NALCN: variants seen among roughly 807,000 people sequenced by gnomAD.
NALCN encodes sodium leak channel NALCN.
NALCN carries 111 observed loss-of-function variants against 225.3 expected under a neutral mutation model. That is an observed-to-expected ratio of 0.49 (90% CI 0.42 to 0.58). NALCN has a LOEUF of 0.58. NALCN is among the 20% of genes least tolerant of loss of function. The probability of loss-of-function intolerance (pLI) is 0.00; values close to 1 mark genes in which losing one functional copy is unlikely to be tolerated. For missense variants in NALCN, 1,378 were observed against 2,202.4 expected (o/e 0.63, Z 7.49); for synonymous variants, 764 against 769.0 (o/e 0.99, Z 0.11).
chr13:101,128,244 C>A (rs575656601), intron 17 of NALCN, among the ~76,000 whole-genome samples: 1 of 152,198 alleles, frequency 6.6e-6, no homozygotes, highest in African/African-American at 2.4e-5. Context: ...GATAACAATT[C>A]TTTGACAGAA....
intron 10 of NALCN, 78 bp from the exon 11 acceptor site, chr13:101,258,652 G>A: frequency 1.3e-6 from 2 of 1,584,498 alleles, no homozygotes; most frequent in Non-Finnish European, 1.7e-6. Context: ...GTCCTTGGCT[G>A]ACAGCACCTT....
At chr13:101,284,110 C>A in intron 9 of NALCN, 91 bp from the exon 10 acceptor site, 2 of 1,076,452 alleles carry the variant, frequency 1.9e-6, no homozygotes, top group Middle Eastern at 2.3e-4. Flanking sequence ...TTTATGTTAT[C>A]AAAAATTTGT....
At chr13:101,301,218 G>A (rs2043952673) in intron 7 of NALCN, among the ~76,000 whole-genome samples, 1 of 152,160 alleles carries the variant, frequency 6.6e-6, no homozygotes, top group Non-Finnish European at 1.5e-5. Flanking sequence ...TACTACAGCA[G>A]AACAGTTCCC....
intron 12 of NALCN, among the ~76,000 whole-genome samples, chr13:101,237,088 G>T (rs979671118): frequency 3.3e-5 from 5 of 151,784 alleles, no homozygotes; most frequent in Non-Finnish European, 4.4e-5. Flanking sequence ...AGGACAGTGA[G>T]CGTGTTGCTA....
At chr13:101,067,290 G>A (rs1439183590) in intron 39 of NALCN, among the ~76,000 whole-genome samples, 1 of 62,960 alleles carries the variant, frequency 1.6e-5, no homozygotes, top group Non-Finnish European at 3.1e-5. Context: ...GGGGGAAGAG[G>A]AGGGGGAAGA....
intron 13 of NALCN, among the ~76,000 whole-genome samples, chr13:101,208,291 C>G (rs1299286232): frequency 1.3e-5 from 2 of 152,192 alleles, no homozygotes; most frequent in Admixed American, 6.5e-5. Flanking sequence ...AGCTTCACTC[C>G]TGAGGCCAGC....
In NALCN at chr13:101,261,388, A is replaced by G. The variant is rs1447042901; in HGVS notation, c.1135-2814T>C. Among the ~76,000 whole-genome samples the G allele has an allele frequency of 4.6e-5, 7 of 152,210 alleles. No homozygotes were observed. In the East Asian group the frequency reaches 1.3e-3, roughly 29 times the overall value. On this transcript the variant is annotated intron_variant, in intron 10 of 43. Transcript: ENST00000251127. ...AGAATTTTTTTCTATTTCTGTGAAGAATATCATTGGTATTTTGATAAGGAT... is the reference window on the plus strand; with the variant it reads ...AGAATTTTTTTCTATTTCTGTGAAGGATATCATTGGTATTTTGATAAGGAT...
intron 7 of NALCN, among the ~76,000 whole-genome samples, chr13:101,306,178 G>A (rs148270589): frequency 5.9e-5 from 9 of 152,234 alleles, no homozygotes; most frequent in Middle Eastern, 3.4e-3. Flanking sequence ...CAGAGCTCCC[G>A]AGGCTGCAGA....
chr13:101,084,506 A>C (rs2033833857), intron 30 of NALCN, among the ~76,000 whole-genome samples: 1 of 152,068 alleles, frequency 6.6e-6, no homozygotes, highest in Non-Finnish European at 1.5e-5. Context: ...CATCCTCCTT[A>C]CTATGTTTTC....
intron 37 of NALCN, among the ~76,000 whole-genome samples, chr13:101,070,945 G>A (rs2032834727): frequency 6.6e-6 from 1 of 152,110 alleles, no homozygotes; most frequent in African/African-American, 2.4e-5. Flanking sequence ...AAGCAAATAT[G>A]TTCTTCTTCA....
intron 13 of NALCN, among the ~76,000 whole-genome samples, chr13:101,195,586 AG>A (rs2039857055): frequency 6.6e-6 from 1 of 152,236 alleles, no homozygotes; most frequent in African/African-American, 2.4e-5. Flanking sequence ...TTTTGGTATA[AG>A]TAATGAGACA....
At chr13:101,156,902 C>G (rs1316293310) in intron 15 of NALCN, among the ~76,000 whole-genome samples, 1 of 152,108 alleles carries the variant, frequency 6.6e-6, no homozygotes, top group Non-Finnish European at 1.5e-5. Flanking sequence ...CATGCATTTC[C>G]AATTATCATT....
intron 7 of NALCN, among the ~76,000 whole-genome samples, chr13:101,329,035 G>T (rs1227093231): frequency 6.6e-6 from 1 of 152,028 alleles, no homozygotes; most frequent in Non-Finnish European, 1.5e-5. Flanking sequence ...GTCACACCTG[G>T]GGTTGATGTG....
At chr13:101,162,008 C>G (rs919409031) in intron 15 of NALCN, among the ~76,000 whole-genome samples, 3 of 152,218 alleles carry the variant, frequency 2.0e-5, no homozygotes, top group African/African-American at 7.2e-5. Flanking sequence ...TCTGGGTGCA[C>G]AGAGGCTTTC....
intron 6 of NALCN, among the ~76,000 whole-genome samples, chr13:101,371,232 T>A (rs1056046840): frequency 3.9e-5 from 6 of 152,228 alleles, no homozygotes; most frequent in African/African-American, 1.4e-4. Flanking sequence ...AATCTTTCTA[T>A]GGACATACAT....
intron 15 of NALCN, among the ~76,000 whole-genome samples, chr13:101,155,012 C>T (rs2037836677): frequency 6.6e-6 from 1 of 152,114 alleles, no homozygotes; most frequent in Non-Finnish European, 1.5e-5. Flanking sequence ...TGGCAGAAAG[C>T]TACACAGATG....
chr13:101,187,753 C>T (rs1334401511), intron 14 of NALCN, among the ~76,000 whole-genome samples: 1 of 152,170 alleles, frequency 6.6e-6, no homozygotes, highest in Non-Finnish European at 1.5e-5. Flanking sequence ...TGTAAGAACA[C>T]AGGAATTCTC....
chr13:101,192,583 A>G (rs1410726325), intron 13 of NALCN, among the ~76,000 whole-genome samples: 1 of 152,170 alleles, frequency 6.6e-6, no homozygotes, highest in Non-Finnish European at 1.5e-5. Flanking sequence ...CACACTGGAC[A>G]GCTTGAAGAC....
intron 1 of NALCN, among the ~76,000 whole-genome samples, chr13:101,409,650 G>T (rs1406742985): frequency 6.6e-6 from 1 of 152,200 alleles, no homozygotes; most frequent in Non-Finnish European, 1.5e-5. Flanking sequence ...GTAAAGGTTA[G>T]ATAAAGAAGG....
Sources: allele counts gnomAD v4.1 joint callset (sites outside exome capture counted in the v4.1 genomes callset), GRCh38; gene constraint gnomAD v4.1.1; transcripts MANE v1.5; gene names NCBI Gene and HGNC (gene_info 2026-07-23, HGNC 2026-07-21).